ENTREP2: variants seen among roughly 807,000 people sequenced by gnomAD.
The protein encoded by ENTREP2 is protein ENTREP2.
chr15:29,570,036 CCG>C, the ENTREP2 span: 2 of 118,068 alleles, frequency 1.7e-5, no homozygotes, highest in Non-Finnish European at 3.4e-5. Flanking sequence ...CGCCCCTCCC[CCG>C]CCCCCCCACC....
the ENTREP2 span, among the ~76,000 whole-genome samples, chr15:29,278,375 C>T: frequency 4.3e-4 from 65 of 152,312 alleles, no homozygotes; most frequent in East Asian, 9.1e-3. Flanking sequence ...GGCAGAAGCC[C>T]GTGTCTCCCT....
chr15:29,127,522 G>A, the ENTREP2 span, among the ~76,000 whole-genome samples: 1 of 152,126 alleles, frequency 6.6e-6, no homozygotes, highest in African/African-American at 2.4e-5. Context: ...GCAGCCCCAG[G>A]TTACCCCCAC....
chr15:29,538,400 G>C, the ENTREP2 span, among the ~76,000 whole-genome samples: 3 of 152,094 alleles, frequency 2.0e-5, no homozygotes, highest in Non-Finnish European at 4.4e-5. Context: ...CATAATGGCT[G>C]AACTCGGAAA....
the ENTREP2 span, among the ~76,000 whole-genome samples, chr15:29,438,269 G>T: frequency 6.6e-6 from 1 of 152,044 alleles, no homozygotes; most frequent in East Asian, 1.9e-4. Context: ...ACAAATGACC[G>T]CTTTACAAAG....
At chr15:29,416,986 C>T in the ENTREP2 span, among the ~76,000 whole-genome samples, 2 of 152,246 alleles carry the variant, frequency 1.3e-5, no homozygotes, top group African/African-American at 4.8e-5. Context: ...ATTAAAAAGT[C>T]AGGAAACAAC....
the ENTREP2 span, among the ~76,000 whole-genome samples, chr15:29,582,607 A>G: frequency 6.6e-6 from 1 of 151,908 alleles, no homozygotes; most frequent in Non-Finnish European, 1.5e-5. Flanking sequence ...AATATTAAGA[A>G]CTGTCTCTCA....
At chr15:29,391,973 T>A in the ENTREP2 span, among the ~76,000 whole-genome samples, 5 of 152,160 alleles carry the variant, frequency 3.3e-5, no homozygotes, top group Non-Finnish European at 5.9e-5. Flanking sequence ...TACAGGTGCC[T>A]GCCACCATGC....
chr15:29,606,369 G>A, the ENTREP2 span, among the ~76,000 whole-genome samples: 5 of 151,570 alleles, frequency 3.3e-5, no homozygotes, highest in Non-Finnish European at 7.4e-5. Context: ...AGAGTAGGTG[G>A]GACTACAAGC....
chr15:29,273,223 G>A, the ENTREP2 span, among the ~76,000 whole-genome samples: 2 of 141,432 alleles, frequency 1.4e-5, no homozygotes, highest in Non-Finnish European at 1.5e-5. Flanking sequence ...TTTTGAGATG[G>A]AGTTGCGCTC....
At chr15:29,135,009 A>T in the ENTREP2 span, among the ~76,000 whole-genome samples, 1 of 151,952 alleles carries the variant, frequency 6.6e-6, no homozygotes, top group African/African-American at 2.4e-5. This position sits in a 1 kb window ranked among gnomAD's most constrained non-coding sequence, Gnocchi z 7.4. Context: ...ACGGCTGCTG[A>T]GAAGCCCAAA....
the ENTREP2 span, among the ~76,000 whole-genome samples, chr15:29,263,044 AAG>A: frequency 1.3e-5 from 2 of 152,222 alleles, no homozygotes; most frequent in Non-Finnish European, 2.9e-5. Context: ...AAAGATGTAA[AAG>A]AATTATTTTT....
At chr15:29,141,373 G>T in the ENTREP2 span, among the ~76,000 whole-genome samples, 2 of 152,342 alleles carry the variant, frequency 1.3e-5, no homozygotes, top group African/African-American at 2.4e-5. Flanking sequence ...GACCCAGACA[G>T]CAGTGCTGTG....
chr15:29,223,952 T>C, the ENTREP2 span, among the ~76,000 whole-genome samples: 38 of 152,196 alleles, frequency 2.5e-4, no homozygotes, highest in Non-Finnish European at 5.1e-4. Flanking sequence ...CAGCTCTGCC[T>C]GTGAACACAG....
At chr15:29,597,739 A>G in the ENTREP2 span, among the ~76,000 whole-genome samples, 1 of 142,994 alleles carries the variant, frequency 7.0e-6, no homozygotes, top group Non-Finnish European at 1.5e-5. Flanking sequence ...GCTGCTATAA[A>G]CATTGGCATG....
the ENTREP2 span, among the ~76,000 whole-genome samples, chr15:29,492,778 T>C: frequency 0.032 from 4,894 of 152,058 alleles, 258 homozygotes; most frequent in African/African-American, 0.11. Flanking sequence ...CCAAAGCAGG[T>C]AGATCACCTG....
At chr15:29,275,401 T>C in the ENTREP2 span, among the ~76,000 whole-genome samples, 3 of 152,266 alleles carry the variant, frequency 2.0e-5, no homozygotes, top group African/African-American at 7.2e-5. Flanking sequence ...GCTATGCACA[T>C]TCACATGTTC....
chr15:29,179,500 G>A, the ENTREP2 span, among the ~76,000 whole-genome samples: 1 of 152,164 alleles, frequency 6.6e-6, no homozygotes, highest in African/African-American at 2.4e-5. Flanking sequence ...GAGCTAAAGG[G>A]ATACTGAGGA....
the ENTREP2 span, chr15:29,151,962 T>G: frequency 1.4e-6 from 1 of 729,312 alleles, no homozygotes; most frequent in Non-Finnish European, 2.4e-6. Flanking sequence ...ATGGAGGTTT[T>G]GTTTTGTGTG....
chr15:29,257,626 T>C, the ENTREP2 span, among the ~76,000 whole-genome samples: 1 of 152,156 alleles, frequency 6.6e-6, no homozygotes, highest in Non-Finnish European at 1.5e-5. Context: ...CCACTAACAA[T>C]GTATGAGAAG....
Sources: gnomAD v4.1 joint callset for allele counts (sites outside exome capture counted in the v4.1 genomes callset) on GRCh38, gnomAD v4.1.1 for gene constraint, Gnocchi (gnomAD v3.1) non-coding constraint, MANE v1.5 for transcripts, NCBI Gene and HGNC (gene_info 2026-07-23, HGNC 2026-07-21) for gene names.